Variants in EPB41L4B observed in about 807,000 individuals in gnomAD.
EPB41L4B encodes the protein erythrocyte membrane protein band 4.1 like 4B, also known as band 4.1-like protein 4B.
Under a neutral mutation model 112.5 loss-of-function variants are expected in EPB41L4B, and 30 were observed. The observed-to-expected ratio is 0.27, with a 90% CI of 0.20 to 0.36. The LOEUF is 0.36. Ranked by LOEUF, EPB41L4B falls within the 10% of genes least tolerant of loss-of-function variation. EPB41L4B has a pLI of 1.00. For synonymous variants in EPB41L4B, 408 were observed against 439.7 expected (o/e 0.93, Z 0.90); for missense variants, 1,024 against 1,133.3 (o/e 0.90, Z 1.38).
chr9:109,234,314 T>C (rs926517219), intron 15 of EPB41L4B, among the ~76,000 whole-genome samples: 2 of 152,212 alleles, frequency 1.3e-5, no homozygotes, highest in African/African-American at 4.8e-5. Context: ...CAGATAGATT[T>C]GTTCAAGTGC....
At chr9:109,230,776 G>A in intron 15 of EPB41L4B, among the ~76,000 whole-genome samples, 1 of 152,080 alleles carries the variant, frequency 6.6e-6, no homozygotes, top group South Asian at 2.1e-4. Flanking sequence ...TATTAATTAG[G>A]GATGATTTCT....
At chr9:109,302,255 C>T (rs1306460378) in intron 1 of EPB41L4B, among the ~76,000 whole-genome samples, 1 of 152,192 alleles carries the variant, frequency 6.6e-6, no homozygotes, top group Non-Finnish European at 1.5e-5. Flanking sequence ...AGCGGGTCCT[C>T]AATAAATGCC....
At position 109,276,136 on chromosome 9, in the gene EPB41L4B, A is replaced by AT. The variant is rs1835809705; in HGVS notation, c.411+3680_411+3681insA. Reference sequence around the variant, plus strand: ...ACACATATATAGTGTATATATACATAATATATACGTGTGTGTATACACACA... The same window carrying AT: ...ACACATATATAGTGTATATATACATATATATATACGTGTGTGTATACACACA... On this transcript the variant is annotated intron_variant, in intron 2 of 25. Transcript: ENST00000374566. Among the ~76,000 whole-genome samples the AT allele has an allele frequency of 2.0e-5, 3 of 148,452 alleles. No homozygotes were observed. In the South Asian group the frequency reaches 6.4e-4, roughly 32 times the overall value.
In EPB41L4B at chr9:109,274,070, G is replaced by A. The variant is rs373525457; in HGVS notation, c.412-5637C>T. The stretch of plus-strand genomic sequence containing the variant: ...ATCTATGTACCAACCTCACTATGCA[G>A]CCCTGCGCCTCTCACTGCCAGATTC... On this transcript the variant is annotated intron_variant, in intron 2 of 25. Coordinates refer to ENST00000374566, the MANE Select transcript of EPB41L4B (RefSeq NM_019114.5). Among the ~76,000 whole-genome samples the A allele has an allele frequency of 5.3e-5, 8 of 152,280 alleles. No homozygotes were observed. In the South Asian group the frequency reaches 1.2e-3, roughly 24 times the overall value.
chr9:109,250,611 C>T (rs925154676), intron 13 of EPB41L4B, among the ~76,000 whole-genome samples: 5 of 152,124 alleles, frequency 3.3e-5, no homozygotes, highest in African/African-American at 1.2e-4. Context: ...AGAGCAAGAG[C>T]GGTATATGCC....
chr9:109,204,380 A>T (rs1296889949), intron 18 of EPB41L4B, among the ~76,000 whole-genome samples: 2 of 152,120 alleles, frequency 1.3e-5, no homozygotes, highest in Non-Finnish European at 2.9e-5. Flanking sequence ...ATACATATTG[A>T]GCAAAGATTT....
intron 21 of EPB41L4B, 121 bp downstream of exon 21, chr9:109,194,099 T>G (rs992818161): frequency 1.1e-4 from 114 of 1,081,604 alleles, no homozygotes; most frequent in Middle Eastern, 6.4e-4. Context: ...TGCTGTTGTT[T>G]TATGAGTATA....
At position 109,320,331 on chromosome 9, in the gene EPB41L4B, C is replaced by T; in HGVS notation, c.116G>A (p.Gly39Glu). Residue 39 changes from glycine (G) to glutamate (E), a missense_variant, in exon 1 of 26, where the codon GGG becomes GAG. Physicochemically the swap from Gly to Glu is moderately conservative, Grantham distance 98 (BLOSUM62 -2). Transcript: ENST00000374566. ...GGAGGAGGCGGCGGCGGCCGGGCCC[C>T]CCCGTGGCCCCCCATCGCGCTCGTC... ...LGDERDGGPR[G>E]GPAAAASSSA... 3 of 989,274 alleles carry T rather than the reference C, an allele frequency of 3.0e-6. No homozygotes were observed. The highest frequency in any genetic ancestry group is 3.6e-6 in the Non-Finnish European group (3 of 833,756). The allele number at this position is 989,274 out of a possible 1,614,324, so 61.3% of individuals were successfully genotyped here.
chr9:109,279,095 C>G (rs1050151710), intron 2 of EPB41L4B, among the ~76,000 whole-genome samples: 1 of 152,216 alleles, frequency 6.6e-6, no homozygotes, highest in South Asian at 2.1e-4. Context: ...CCGTTCACAG[C>G]ACCTGCTCTC....
At chr9:109,191,952 G>A (rs1374566180) in intron 22 of EPB41L4B, among the ~76,000 whole-genome samples, 1 of 152,160 alleles carries the variant, frequency 6.6e-6, no homozygotes, top group Non-Finnish European at 1.5e-5. Context: ...TTCCCCACGG[G>A]TGGGCATGCA....
At chr9:109,310,821 G>A (rs1263499094) in intron 1 of EPB41L4B, among the ~76,000 whole-genome samples, 1 of 152,174 alleles carries the variant, frequency 6.6e-6, no homozygotes, top group East Asian at 1.9e-4. Context: ...AACTGTACGT[G>A]GTATACTCTT....
intron 2 of EPB41L4B, among the ~76,000 whole-genome samples, chr9:109,278,589 T>C (rs1447694161): frequency 6.6e-6 from 1 of 152,166 alleles, no homozygotes; most frequent in African/African-American, 2.4e-5. Context: ...TTAACCATTA[T>C]GGGAGCTCCA....
At chr9:109,200,453 C>G in intron 19 of EPB41L4B, 119 bp from the exon 20 acceptor site, 1 of 653,254 alleles carries the variant, frequency 1.5e-6, no homozygotes. Context: ...GTCAAGAAAT[C>G]CATTTTTTTT....
intron 4 of EPB41L4B, 116 bp downstream of exon 4, chr9:109,267,357 T>A: frequency 1.6e-6 from 1 of 643,556 alleles, no homozygotes; most frequent in East Asian, 2.7e-5. Flanking sequence ...CTAATAACTC[T>A]TGCTGAGAAA....
At chr9:109,226,150 ACT>A (rs1833751663) in intron 15 of EPB41L4B, among the ~76,000 whole-genome samples, 2 of 151,998 alleles carry the variant, frequency 1.3e-5, no homozygotes, top group South Asian at 4.2e-4. Context: ...TGCAACTTAC[ACT>A]GTTTACAGGA....
chr9:109,204,637 T>A (rs551485833), intron 18 of EPB41L4B, among the ~76,000 whole-genome samples: 1 of 152,258 alleles, frequency 6.6e-6, no homozygotes, highest in East Asian at 1.9e-4. Flanking sequence ...GACTACAGGC[T>A]CAAACCACAA....
At chr9:109,293,788 ACT>A (rs763860123) in intron 1 of EPB41L4B, among the ~76,000 whole-genome samples, 55 of 151,876 alleles carry the variant, frequency 3.6e-4, no homozygotes, top group Non-Finnish European at 6.9e-4. Context: ...ACGATATTGG[ACT>A]CTCTGAGGCT....
chr9:109,234,705 A>T (rs1253695947), intron 15 of EPB41L4B, among the ~76,000 whole-genome samples: 9 of 152,110 alleles, frequency 5.9e-5, no homozygotes, highest in Admixed American at 5.2e-4. Flanking sequence ...CTCTACAAAA[A>T]TTTTTTAAAA....
intron 2 of EPB41L4B, among the ~76,000 whole-genome samples, chr9:109,272,914 A>G (rs1287138702): frequency 1.3e-5 from 2 of 152,152 alleles, no homozygotes; most frequent in Non-Finnish European, 2.9e-5. Context: ...TGGGAGGTGC[A>G]GCCTTGATAA....
Sources: gnomAD v4.1 joint callset for allele counts (sites outside exome capture counted in the v4.1 genomes callset) on GRCh38, gnomAD v4.1.1 for gene constraint, MANE v1.5 for transcripts, NCBI Gene and HGNC (gene_info 2026-07-23, HGNC 2026-07-21) for gene names.